NELL1: variants seen among roughly 807,000 people sequenced by gnomAD.
NELL1 encodes protein kinase C-binding protein NELL1.
A neutral mutation model predicts 107.4 loss-of-function variants in NELL1; 76 were observed. That is an observed-to-expected ratio of 0.71 (90% confidence interval 0.59 to 0.86). The LOEUF (loss-of-function observed/expected upper bound fraction) is 0.86, where lower values mean the gene tolerates loss of function less well. Ranked by LOEUF, NELL1 falls within the 40% of genes least tolerant of loss-of-function variation. The probability of loss-of-function intolerance (pLI) is 0.00; values close to 1 mark genes in which losing one functional copy is unlikely to be tolerated. For missense variants in NELL1, 1,024 were observed against 1,005.5 expected, an observed-to-expected ratio of 1.02 and a Z score of -0.25; for synonymous variants, 353 against 341.2, an observed-to-expected ratio of 1.03 and a Z score of -0.38.
rs148694927 is a variant in NELL1, at chr11:20,939,165, G to A, written c.1071+1306G>A. 4.5e-3 allele frequency among the ~76,000 whole-genome samples: 678 copies of A among 152,124 alleles called. 3 individuals carry two copies. Among genetic ancestry groups the A allele is most frequent in the African/African-American group, 0.015 (625 of 41,456 alleles). On this transcript the variant is annotated intron_variant, in intron 10 of 19. Transcript: ENST00000357134. Reference sequence around the variant, plus strand: ...TTAAAAAATGGAATTGAAAGGACTCGAGTGATTGGGTTTGGGGAAGGCTAA... The same window carrying A: ...TTAAAAAATGGAATTGAAAGGACTCAAGTGATTGGGTTTGGGGAAGGCTAA...
At chr11:21,536,907 C>T (rs1172562194) in intron 16 of NELL1, among the ~76,000 whole-genome samples, 1 of 152,130 alleles carries the variant, frequency 6.6e-6, no homozygotes, top group Non-Finnish European at 1.5e-5. Flanking sequence ...TTCTCTCTAA[C>T]ATGCTGAGTG....
At chr11:21,387,946 A>G (rs1183032739) in intron 15 of NELL1, among the ~76,000 whole-genome samples, 1 of 151,836 alleles carries the variant, frequency 6.6e-6, no homozygotes, top group African/African-American at 2.4e-5. Flanking sequence ...TGAGGATTAT[A>G]TTACTGTCAT....
At chr11:21,534,779 T>C (rs1024619259) in intron 16 of NELL1, among the ~76,000 whole-genome samples, 1 of 152,108 alleles carries the variant, frequency 6.6e-6, no homozygotes, top group African/African-American at 2.4e-5. Context: ...AAAACCTTAG[T>C]CTTCTTAATT....
chr11:21,542,891 A>T (rs1270413793), intron 16 of NELL1, among the ~76,000 whole-genome samples: 1 of 152,116 alleles, frequency 6.6e-6, no homozygotes, highest in Admixed American at 6.6e-5. Flanking sequence ...AAAGATGTTC[A>T]TAAATATCCT....
At chr11:21,016,476 T>TCTTA (rs1259951266) in intron 12 of NELL1, among the ~76,000 whole-genome samples, 5 of 152,080 alleles carry the variant, frequency 3.3e-5, no homozygotes, top group African/African-American at 1.2e-4. Context: ...CTTTCTCCAT[T>TCTTA]CTTACCCACA....
intron 17 of NELL1, among the ~76,000 whole-genome samples, chr11:21,564,075 C>A (rs888226098): frequency 6.6e-6 from 1 of 151,820 alleles, no homozygotes; most frequent in Admixed American, 6.6e-5. Flanking sequence ...CAGAGCCAGG[C>A]CACGGGATTT....
At chr11:21,214,353 C>T (rs1857568265) in intron 13 of NELL1, among the ~76,000 whole-genome samples, 1 of 152,018 alleles carries the variant, frequency 6.6e-6, no homozygotes, top group Non-Finnish European at 1.5e-5. Flanking sequence ...CAAAACTTAA[C>T]AGTAAAAAAT....
At chr11:21,505,835 T>C (rs1418847228) in intron 15 of NELL1, among the ~76,000 whole-genome samples, 1 of 152,206 alleles carries the variant, frequency 6.6e-6, no homozygotes, top group Non-Finnish European at 1.5e-5. Flanking sequence ...CTACAGAGTC[T>C]CAGTTGTAGG....
At chr11:21,034,418 T>G (rs1261707687) in intron 12 of NELL1, among the ~76,000 whole-genome samples, 1 of 152,178 alleles carries the variant, frequency 6.6e-6, no homozygotes, top group Non-Finnish European at 1.5e-5. Context: ...ACCACAGAAC[T>G]CTCTACCCAA....
intron 3 of NELL1, among the ~76,000 whole-genome samples, chr11:20,818,458 G>A (rs1857676538): frequency 7.2e-6 from 1 of 139,858 alleles, no homozygotes; most frequent in African/African-American, 2.7e-5. Flanking sequence ...CTGCTATTCA[G>A]AGAAATTGAG....
intron 1 of NELL1, among the ~76,000 whole-genome samples, chr11:20,675,404 T>C (rs1170964429): frequency 6.6e-6 from 1 of 152,208 alleles, no homozygotes; most frequent in Non-Finnish European, 1.5e-5. Context: ...TATCCCCAGA[T>C]ATGCATATTG....
At chr11:20,981,054 G>T (rs1332179586) in intron 12 of NELL1, among the ~76,000 whole-genome samples, 1 of 152,210 alleles carries the variant, frequency 6.6e-6, no homozygotes, top group Non-Finnish European at 1.5e-5. Flanking sequence ...CATATAACAT[G>T]AGTTAAATGG....
At chr11:20,770,931 C>A (rs577823361) in intron 2 of NELL1, 4 of 150,168 alleles carry the variant, frequency 2.7e-5, no homozygotes, top group African/African-American at 9.7e-5. Flanking sequence ...TTATTTGGCA[C>A]ACATTGTAGC....
rs1449848613 is a variant in NELL1, at chr11:21,274,715, CA to C, written c.1549+45263del. On this transcript the variant is annotated intron_variant, in intron 14 of 19. Coordinates refer to ENST00000357134, the MANE Select transcript of NELL1 (RefSeq NM_006157.5). ...ACAAACTGTCTCTCAGGCCACAGTG[CA>C]ATCAAACTAGAACTCAGGATTAAGA... Among the ~76,000 whole-genome samples the C allele has an allele frequency of 7.9e-5, 12 of 152,300 alleles. No homozygotes were observed. In the East Asian group the frequency reaches 1.9e-3, roughly 24 times the overall value.
intron 14 of NELL1, among the ~76,000 whole-genome samples, chr11:21,309,282 ATATATATATATATATATG>A (rs1554999544): frequency 9.7e-5 from 1 of 10,314 alleles, no homozygotes; most frequent in Non-Finnish European, 2.0e-4. Flanking sequence ...ATATATATGT[ATATATATATATATATATG>A]TATATATATA....
chr11:21,046,024 A>G (rs1208234569), intron 12 of NELL1, among the ~76,000 whole-genome samples: 2 of 152,140 alleles, frequency 1.3e-5, no homozygotes, highest in Non-Finnish European at 2.9e-5. Context: ...GCATTTAAGG[A>G]TGCTATTGAT....
chr11:20,743,868 T>C (rs150648420), intron 2 of NELL1, among the ~76,000 whole-genome samples: 1 of 152,304 alleles, frequency 6.6e-6, no homozygotes, highest in African/African-American at 2.4e-5. Flanking sequence ...AAACATGGTA[T>C]GCCAAAACTA....
At chr11:20,670,728 C>T (rs756397551) in intron 1 of NELL1, 4 of 152,240 alleles carry the variant, frequency 2.6e-5, no homozygotes, top group Non-Finnish European at 4.4e-5. Flanking sequence ...AAAAATAGGG[C>T]CTGTCAACTG....
At chr11:21,167,186 T>C (rs1334769844) in intron 13 of NELL1, among the ~76,000 whole-genome samples, 1 of 151,830 alleles carries the variant, frequency 6.6e-6, no homozygotes, top group African/African-American at 2.4e-5. Context: ...TTTCATTATA[T>C]AGTGTTGCCC....
Sources: gnomAD v4.1 joint callset for allele counts (sites outside exome capture counted in the v4.1 genomes callset) on GRCh38, gnomAD v4.1.1 for gene constraint, MANE v1.5 for transcripts, NCBI Gene and HGNC (gene_info 2026-07-23, HGNC 2026-07-21) for gene names.